Variants in SGCZ observed in about 807,000 individuals in gnomAD.
The protein encoded by SGCZ is zeta-sarcoglycan.
In SGCZ, 40 loss-of-function variants were observed where a neutral mutation model predicts 41.3. The ratio of observed to expected loss-of-function variants is 0.97; its 90% CI spans 0.75 to 1.26. The LOEUF (loss-of-function observed/expected upper bound fraction) is 1.26. SGCZ is among the 50% of genes most tolerant of loss of function. The probability of loss-of-function intolerance (pLI) is 0.00; values close to 1 mark genes in which losing one functional copy is unlikely to be tolerated. For missense variants in SGCZ, 552 were observed against 369.8 expected (o/e 1.49, Z -4.04); for synonymous variants, 206 against 137.5 (o/e 1.50, Z -3.49).
chr8:14,318,691 C>G (rs1281412462), intron 3 of SGCZ, among the ~76,000 whole-genome samples: 1 of 151,846 alleles, frequency 6.6e-6, no homozygotes, highest in Non-Finnish European at 1.5e-5. Context: ...TTAGAAACAC[C>G]TCAAAACCTC....
Position 15,187,750 on chromosome 8 carries a change from A to C in SGCZ, c.39+49835T>G, listed in dbSNP as rs112349852. On this transcript the variant is annotated intron_variant, in intron 1 of 7. Transcript: ENST00000382080. Reference sequence around the variant, plus strand: ...ATAACTATAGCCATAAGGTTTTTTAAAAAATAAGCTCTTCGTGAGTTTGAT... The same window carrying C: ...ATAACTATAGCCATAAGGTTTTTTACAAAATAAGCTCTTCGTGAGTTTGAT... Among the ~76,000 whole-genome samples, 976 of 152,164 alleles carry C rather than the reference A, an allele frequency of 6.4e-3. 12 individuals carry two copies. The highest frequency in any genetic ancestry group is 0.023 in the African/African-American group (936 of 41,550).
At chr8:14,306,996 C>G (rs113276252) in intron 3 of SGCZ, among the ~76,000 whole-genome samples, 6 of 152,138 alleles carry the variant, frequency 3.9e-5, no homozygotes, top group African/African-American at 1.4e-4. Context: ...CTAATTATAC[C>G]TAAGTTAAAT....
intron 3 of SGCZ, among the ~76,000 whole-genome samples, chr8:14,271,040 C>T (rs1563225599): frequency 6.6e-6 from 1 of 152,044 alleles, no homozygotes; most frequent in Non-Finnish European, 1.5e-5. Context: ...CACCCTGGGG[C>T]CTGTTGTGAG....
chr8:14,549,231 A>C (rs2614934), intron 2 of SGCZ, among the ~76,000 whole-genome samples: 1 of 151,860 alleles, frequency 6.6e-6, no homozygotes, highest in Non-Finnish European at 1.5e-5. Flanking sequence ...GAGCTAGTAA[A>C]TGGAGATTCA....
chr8:14,814,139 T>C (rs76158587), intron 1 of SGCZ, among the ~76,000 whole-genome samples: 218 of 152,310 alleles, frequency 1.4e-3, no homozygotes, highest in African/African-American at 5.1e-3. Context: ...AGCATTTTAC[T>C]TTGAGTTTGA....
intron 2 of SGCZ, among the ~76,000 whole-genome samples, chr8:14,385,769 G>A (rs960161576): frequency 6.6e-6 from 1 of 152,146 alleles, no homozygotes; most frequent in Non-Finnish European, 1.5e-5. Flanking sequence ...CAGGAAGAAT[G>A]TTAAGGAAAC....
chr8:14,318,725 C>T (rs1388952601), intron 3 of SGCZ, among the ~76,000 whole-genome samples: 1 of 152,032 alleles, frequency 6.6e-6, no homozygotes, highest in Non-Finnish European at 1.5e-5. Context: ...CAGTCACAGT[C>T]TGCCTTTCCC....
intron 1 of SGCZ, among the ~76,000 whole-genome samples, chr8:14,829,343 G>A (rs1288305373): frequency 6.8e-6 from 1 of 147,430 alleles, no homozygotes; most frequent in Non-Finnish European, 1.5e-5. Flanking sequence ...AATTCTTCAG[G>A]GATAGACTAA....
intron 3 of SGCZ, among the ~76,000 whole-genome samples, chr8:14,282,285 A>C (rs1390132757): frequency 1.7e-4 from 26 of 152,130 alleles, no homozygotes; most frequent in Admixed American, 1.7e-3. Flanking sequence ...TCTTAGAGTC[A>C]GGGGTAGATT....
At chr8:14,819,775 C>G (rs1298002672) in intron 1 of SGCZ, among the ~76,000 whole-genome samples, 2 of 152,074 alleles carry the variant, frequency 1.3e-5, no homozygotes, top group East Asian at 3.8e-4. Context: ...TGACCAAAGT[C>G]AAGTTGCTAT....
chr8:14,255,508 T>C (rs925958084), intron 3 of SGCZ, among the ~76,000 whole-genome samples: 1 of 152,184 alleles, frequency 6.6e-6, no homozygotes, highest in Non-Finnish European at 1.5e-5. Context: ...TTAAAATTTG[T>C]ATTCAACTGA....
chr8:15,091,764 T>C (rs578026889), intron 1 of SGCZ, among the ~76,000 whole-genome samples: 8 of 152,278 alleles, frequency 5.3e-5, no homozygotes, highest in African/African-American at 1.9e-4. Context: ...TAATATTTAT[T>C]TATTTAGAGA....
At chr8:14,442,414 G>T (rs1800297843) in intron 2 of SGCZ, among the ~76,000 whole-genome samples, 1 of 152,104 alleles carries the variant, frequency 6.6e-6, no homozygotes, top group African/African-American at 2.4e-5. Context: ...CAGCCATGTG[G>T]AACTGTGAGT....
chr8:15,115,914 A>G (rs970837655), intron 1 of SGCZ, among the ~76,000 whole-genome samples: 4 of 152,262 alleles, frequency 2.6e-5, no homozygotes, highest in African/African-American at 4.8e-5. Flanking sequence ...TTAAACTACA[A>G]GCTGAAGCCT....
chr8:14,340,996 A>G (rs756658026), intron 2 of SGCZ, among the ~76,000 whole-genome samples: 1 of 152,066 alleles, frequency 6.6e-6, no homozygotes, highest in Non-Finnish European at 1.5e-5. Context: ...ATTTCTCTGA[A>G]CTGCTCGAGG....
rs562187868 is a variant in SGCZ, at chr8:15,179,192, T to C, written c.39+58393A>G. The stretch of plus-strand genomic sequence containing the variant: ...TAACCTGTTTAAGTAAAGATTCTTA[T>C]TAATTGATGAAGATCAAATAATAAA... On this transcript the variant is annotated intron_variant, in intron 1 of 7. Transcript: ENST00000382080. 5.5e-4 allele frequency among the ~76,000 whole-genome samples: 84 copies of C among 152,252 alleles called. 1 individual carries two copies. The highest frequency in any genetic ancestry group is 3.4e-3 in the Middle Eastern group (1 of 294).
chr8:15,037,494 A>G (rs907422137), intron 1 of SGCZ, among the ~76,000 whole-genome samples: 1 of 152,216 alleles, frequency 6.6e-6, no homozygotes, highest in African/African-American at 2.4e-5. Flanking sequence ...ACTAATACAT[A>G]TGAGAAACCT....
At chr8:15,117,308 G>A (rs1807305527) in intron 1 of SGCZ, among the ~76,000 whole-genome samples, 2 of 150,808 alleles carry the variant, frequency 1.3e-5, no homozygotes, top group Admixed American at 6.6e-5. Flanking sequence ...GCGGTGAGCC[G>A]AGATCACACC....
intron 1 of SGCZ, among the ~76,000 whole-genome samples, chr8:14,662,911 T>G (rs1045911830): frequency 6.6e-6 from 1 of 152,046 alleles, no homozygotes; most frequent in Non-Finnish European, 1.5e-5. Flanking sequence ...TGTGACAGTC[T>G]CTAGAAGATA....
Sources: gnomAD v4.1 joint callset for allele counts (sites outside exome capture counted in the v4.1 genomes callset) on GRCh38, gnomAD v4.1.1 for gene constraint, MANE v1.5 for transcripts, NCBI Gene and HGNC (gene_info 2026-07-23, HGNC 2026-07-21) for gene names.